Variants in ACACA observed in about 807,000 individuals in gnomAD.
ACACA encodes the protein acetyl-CoA carboxylase 1.
In ACACA, 103 loss-of-function variants were observed where a neutral mutation model predicts 296.1. That is an observed-to-expected ratio of 0.35 (90% CI 0.30 to 0.41). The LOEUF (loss-of-function observed/expected upper bound fraction) is 0.41. Ranked by LOEUF, ACACA falls within the 10% of genes least tolerant of loss-of-function variation. ACACA has a pLI of 1.00. For synonymous variants in ACACA, 953 were observed against 1,038.6 expected, an observed-to-expected ratio of 0.92 and a Z score of 1.58; for missense variants, 1,554 against 2,989.7, an observed-to-expected ratio of 0.52 and a Z score of 11.20.
At position 37,205,921 on chromosome 17, in the gene ACACA, A is replaced by G. The variant is rs752959209; in HGVS notation, c.3949-49T>C. 1.1e-5 allele frequency: 15 copies of G among 1,351,858 alleles called. No homozygotes were observed. In the South Asian group the frequency reaches 1.2e-4, roughly 10 times the overall value. The allele number at this position is 1,351,858 out of a possible 1,614,324, so 83.7% of individuals were successfully genotyped here. A position where few individuals can be genotyped will look rare whatever the true frequency, so the allele number is the denominator to read the frequency against. The stretch of plus-strand genomic sequence containing the variant: ...AAGAAATTATGAGGCTGGCCAATAC[A>G]GATGCAGATAGAAGTTATAATATTT... On this transcript the variant is annotated intron_variant, in intron 32 of 55. Transcript: ENST00000616317.
chr17:37,185,867 C>A (rs1323206143), intron 39 of ACACA, among the ~76,000 whole-genome samples: 2 of 152,172 alleles, frequency 1.3e-5, no homozygotes, highest in Non-Finnish European at 2.9e-5. Flanking sequence ...CTGCGCCCAG[C>A]CTAAAATGTT....
intron 3 of ACACA, among the ~76,000 whole-genome samples, chr17:37,318,060 C>T (rs1210853423): frequency 6.6e-6 from 1 of 152,076 alleles, no homozygotes; most frequent in Non-Finnish European, 1.5e-5. Flanking sequence ...GGAAGAAGCT[C>T]AGGAAAGCTA....
intron 29 of ACACA, among the ~76,000 whole-genome samples, chr17:37,216,921 A>G (rs1598208678): frequency 6.6e-6 from 1 of 152,260 alleles, no homozygotes; most frequent in East Asian, 1.9e-4. Flanking sequence ...TATGGAGGCT[A>G]AATCACAGTC....
At chr17:37,374,917 C>A (rs550523646) in intron 1 of ACACA, among the ~76,000 whole-genome samples, 1 of 152,080 alleles carries the variant, frequency 6.6e-6, no homozygotes, top group South Asian at 2.1e-4. Flanking sequence ...GGTTCACGGC[C>A]GGCTGGGGTG....
chr17:37,248,001 A>G lies in ACACA; in HGVS notation c.2309+10T>C. On this transcript the variant is annotated intron_variant, in intron 18 of 55. Coordinates refer to ENST00000616317, the MANE Select transcript of ACACA (RefSeq NM_198834.3). ...GATGACCAGCAAATGGACCTCAAAC[A>G]GCCACTTACCTATCCACTTCCTCTT... 1 of 1,614,030 alleles carries G rather than the reference A, an allele frequency of 6.2e-7. No individual in the cohort carries two copies. The highest frequency in any genetic ancestry group is 1.1e-5 in the South Asian group (1 of 91,076).
intron 30 of ACACA, among the ~76,000 whole-genome samples, chr17:37,208,621 C>A (rs1023245293): frequency 6.6e-6 from 1 of 152,154 alleles, no homozygotes; most frequent in Non-Finnish European, 1.5e-5. Context: ...GCATGACAAG[C>A]AGCTGCTAAA....
intron 1 of ACACA, among the ~76,000 whole-genome samples, chr17:37,342,148 C>T (rs1208958418): frequency 1.3e-5 from 2 of 151,774 alleles, no homozygotes; most frequent in East Asian, 3.9e-4. Flanking sequence ...GTGGCTCACA[C>T]CTGTAATCCC....
At chr17:37,171,398 C>CCCCT (rs771343254) in intron 41 of ACACA, among the ~76,000 whole-genome samples, 10 of 152,086 alleles carry the variant, frequency 6.6e-5, no homozygotes, top group Non-Finnish European at 1.3e-4. Context: ...TACCTCTTTC[C>CCCCT]CCCTTTTGTA....
chr17:37,188,562 G>T, intron 38 of ACACA, 82 bp from the exon 39 acceptor site: 1 of 1,458,698 alleles, frequency 6.9e-7, no homozygotes, highest in Non-Finnish European at 9.5e-7. Context: ...ATTTGAGAAA[G>T]AAGGGGTAAA....
At chr17:37,206,166 A>G (rs1456334596) in intron 32 of ACACA, among the ~76,000 whole-genome samples, 1 of 152,206 alleles carries the variant, frequency 6.6e-6, no homozygotes, top group Non-Finnish European at 1.5e-5. Context: ...TTTTTTACCA[A>G]TAAAATGGGG....
intron 38 of ACACA, among the ~76,000 whole-genome samples, chr17:37,189,840 A>G (rs965611538): frequency 6.6e-6 from 1 of 152,066 alleles, no homozygotes; most frequent in Non-Finnish European, 1.5e-5. Flanking sequence ...TAAGGGAAAA[A>G]GGTAGAAAAC....
In ACACA at chr17:37,349,507, T is replaced by C. The variant is rs1368238401; in HGVS notation, c.39-9657A>G. ...ATATAAGATATATCTTACATATATATATCTTACATATGTGTGTGTGTGTGC... is the reference window on the plus strand; with the variant it reads ...ATATAAGATATATCTTACATATATACATCTTACATATGTGTGTGTGTGTGC... On this transcript the variant is annotated intron_variant, in intron 1 of 55. Transcript: ENST00000616317. Among the ~76,000 whole-genome samples the C allele has an allele frequency of 2.7e-5, 4 of 148,740 alleles. No homozygotes were observed. The East Asian group carries it at 5.8e-4, about 22-fold the overall frequency.
chr17:37,125,198 A>C (rs1014622204), intron 48 of ACACA, among the ~76,000 whole-genome samples: 9 of 150,618 alleles, frequency 6.0e-5, no homozygotes, highest in African/African-American at 2.2e-4. Context: ...ATTTCAGCTT[A>C]TTTTACTCCT....
chr17:37,238,428 T>C (rs1345042040), intron 24 of ACACA, among the ~76,000 whole-genome samples: 3 of 152,178 alleles, frequency 2.0e-5, no homozygotes, highest in Non-Finnish European at 2.9e-5. Context: ...TTCTGGGTCA[T>C]TAAGTTCCAC....
intron 52 of ACACA, among the ~76,000 whole-genome samples, chr17:37,103,651 G>A (rs897315098): frequency 1.3e-5 from 2 of 152,158 alleles, no homozygotes; most frequent in African/African-American, 4.8e-5. Flanking sequence ...CAAGTTGGGA[G>A]GACTGCCTGA....
chr17:37,269,327 A>C (rs1459853839), intron 10 of ACACA, among the ~76,000 whole-genome samples: 1 of 152,178 alleles, frequency 6.6e-6, no homozygotes, highest in Non-Finnish European at 1.5e-5. Context: ...TTTGACTTAC[A>C]ATAAGGTTAT....
intron 8 of ACACA, among the ~76,000 whole-genome samples, chr17:37,275,495 CAAAA>C (rs34064045): frequency 3.2e-5 from 2 of 61,652 alleles, no homozygotes; most frequent in East Asian, 8.6e-4. Context: ...GACTCCAACT[CAAAA>C]AAAAAAAAAA....
intron 50 of ACACA, among the ~76,000 whole-genome samples, chr17:37,120,420 C>G (rs139624779): frequency 1.4e-3 from 216 of 152,198 alleles, no homozygotes; most frequent in African/African-American, 4.9e-3. Context: ...CGCCCACCAC[C>G]ACGCCAGCTA....
At chr17:37,291,178 A>ATGTGTT (rs2083045813) in intron 3 of ACACA, among the ~76,000 whole-genome samples, 1 of 149,142 alleles carries the variant, frequency 6.7e-6, no homozygotes, top group Non-Finnish European at 1.5e-5. Flanking sequence ...ATCTCATAAT[A>ATGTGTT]TTTGTTTTTG....
Sources: gnomAD v4.1 joint callset for allele counts (sites outside exome capture counted in the v4.1 genomes callset) on GRCh38, gnomAD v4.1.1 for gene constraint, MANE v1.5 for transcripts, NCBI Gene and HGNC (gene_info 2026-07-23, HGNC 2026-07-21) for gene names.